The following EMILIN1 variants were observed in gnomAD, a reference collection of about 807,000 sequenced individuals.
EMILIN1 encodes the protein EMILIN-1.
EMILIN1 carries 49 observed loss-of-function variants against 82.4 expected under a neutral mutation model. The ratio of observed to expected loss-of-function variants is 0.59; its 90% confidence interval spans 0.47 to 0.75. The LOEUF (loss-of-function observed/expected upper bound fraction) is 0.75. Ranked by LOEUF, EMILIN1 falls within the 30% of genes least tolerant of loss-of-function variation. EMILIN1 has a pLI of 0.00. For missense variants in EMILIN1, 1,313 were observed against 1,366.4 expected, an observed-to-expected ratio of 0.96 and a Z score of 0.62; for synonymous variants, 604 against 602.2, an observed-to-expected ratio of 1.00 and a Z score of -0.04.
Position 27,086,068 on chromosome 2 carries a change from C to T in EMILIN1, c.*53C>T. The T allele has an allele frequency of 7.5e-7, 1 of 1,337,328 alleles. No individual in the cohort carries two copies. The highest frequency in any genetic ancestry group is 9.8e-7 in the Non-Finnish European group (1 of 1,015,230). The allele number at this position is 1,337,328 out of a possible 1,614,324, so 82.8% of individuals were successfully genotyped here. On this transcript the variant is annotated 3_prime_UTR_variant, in exon 8 of 8. Coordinates refer to ENST00000380320, the MANE Select transcript of EMILIN1 (RefSeq NM_007046.4). ...TCGGCTGAAGAGACAGCGGGGGCGGCGGGCTCCTGGGGTCTCGCCTGAGAC... is the reference window on the plus strand; with the variant it reads ...TCGGCTGAAGAGACAGCGGGGGCGGTGGGCTCCTGGGGTCTCGCCTGAGAC...
chr2:27,082,050 G>GCCCCTCTGCCTTCTGCCTT (rs1669484577), intron 3 of EMILIN1, 33 bp from the exon 4 acceptor site: 2 of 1,551,512 alleles, frequency 1.3e-6, no homozygotes, highest in Middle Eastern at 2.1e-4. Flanking sequence ...CTGGGGTCCA[G>GCCCCTCTGCCTTCTGCCTT]CCCCTCTGCC....
intron 5 of EMILIN1, 98 bp from the exon 6 acceptor site, chr2:27,084,893 G>A (rs1669567757): frequency 4.3e-6 from 5 of 1,167,092 alleles, no homozygotes; most frequent in South Asian, 2.4e-5. Context: ...TGAAGTCCAC[G>A]TAGCACCGAG....
chr2:27,079,338 GGAGT>G (rs1348946748), intron 1 of EMILIN1, 103 bp downstream of exon 1: 3 of 1,021,326 alleles, frequency 2.9e-6, no homozygotes, highest in Non-Finnish European at 4.1e-6. Context: ...GGGCAGAGGG[GGAGT>G]GAGAAGCCCA....
At position 27,080,661 on chromosome 2, in the gene EMILIN1, C is replaced by T; in HGVS notation, c.291-71C>T. The T allele has an allele frequency of 3.0e-6, 4 of 1,346,570 alleles. No individual in the cohort carries two copies. In the Admixed American group the frequency reaches 8.4e-5, roughly 28 times the overall value. 83.4% of individuals were successfully genotyped at this position (1,346,570 alleles called of 1,614,324 possible). ...GCCATGCCCACCAGCAGCTGCCCAC[C>T]CCTGAGGACAGGGACCAGGGTCACT... On this transcript the variant is annotated intron_variant, in intron 2 of 7. Coordinates refer to ENST00000380320, the MANE Select transcript of EMILIN1 (RefSeq NM_007046.4).
Position 27,085,964 on chromosome 2 carries a change from C to A in EMILIN1, c.3000C>A (p.Thr1000=). 1.3e-6 allele frequency: 2 copies of A among 1,506,030 alleles called. No individual in the cohort carries two copies. The highest frequency in any genetic ancestry group is 2.5e-5 in the East Asian group (1 of 40,500). The allele number at this position is 1,506,030 out of a possible 1,614,324, so 93.3% of individuals were successfully genotyped here. Residue 1000 remains threonine, a synonymous_variant, in exon 8 of 8, where the codon ACC becomes ACA. Transcript: ENST00000380320. The part of the protein sequence containing the change: ...GQLAHSEEPL[T]IFSGALLYGD... ...TGGCGCACTCGGAGGAGCCGCTCAC[C>A]ATCTTCAGCGGGGCCCTGCTCTATG...
At chr2:27,080,385 G>C in intron 2 of EMILIN1, 115 bp downstream of exon 2, 1 of 1,383,156 alleles carries the variant, frequency 7.2e-7, no homozygotes, top group East Asian at 2.3e-5. Flanking sequence ...ACAGGGGCTA[G>C]GGTCACAGCC....
At chr2:27,081,024 A>G in intron 3 of EMILIN1, 72 bp downstream of exon 3, 1 of 1,232,804 alleles carries the variant, frequency 8.1e-7, no homozygotes, top group Non-Finnish European at 1.1e-6. Flanking sequence ...ATGTGGGGCC[A>G]GGCTGCTGGG....
chr2:27,081,108 C>CAT, intron 3 of EMILIN1, among the ~76,000 whole-genome samples, 156 bp downstream of exon 3: 1 of 142,656 alleles, frequency 7.0e-6, no homozygotes, highest in East Asian at 2.1e-4. Flanking sequence ...ATTCCCTGCC[C>CAT]GTGTGTGTGT....
In EMILIN1 at chr2:27,080,256, T is replaced by TC; in HGVS notation, c.280dup (p.Gln94ProfsTer35). The TC allele has an allele frequency of 1.2e-6, 2 of 1,614,010 alleles. No homozygotes were observed. Among genetic ancestry groups the TC allele is most frequent in the Non-Finnish European group, 1.7e-6 (2 of 1,179,908 alleles). On this transcript the variant is annotated frameshift_variant, in exon 2 of 8. Transcript: ENST00000380320. LOFTEE classifies it high-confidence loss of function. ...CTTGTGCCTGGGGCCAGCCCCAGTGTCCCCAAAGCATCATGTGAGTCCCAG... is the reference window on the plus strand; with the variant it reads ...CTTGTGCCTGGGGCCAGCCCCAGTGTCCCCCAAAGCATCATGTGAGTCCCAG...
At chr2:27,080,069 T>C (rs1669446693) in intron 1 of EMILIN1, 82 bp from the exon 2 acceptor site, 2 of 1,535,126 alleles carry the variant, frequency 1.3e-6, no homozygotes, top group South Asian at 1.2e-5. Context: ...TGGAGCCTTC[T>C]TCAGCCCCTC....
At position 27,082,183 on chromosome 2, in the gene EMILIN1, G is replaced by A. The variant is rs1390889589; in HGVS notation, c.612G>A (p.Gly204=). The change falls in exon 4 of 8, where the codon GGG becomes GGA. Residue 204 remains glycine, a synonymous_variant. Coordinates refer to ENST00000380320, the MANE Select transcript of EMILIN1 (RefSeq NM_007046.4). The part of the protein sequence containing the change: ...GLRGVLQGLS[G]RLAEDVQRAV... ...GGGGCGTCCTGCAAGGACTGAGCGG[G>A]CGCCTGGCAGAGGATGTGCAGAGGG... is the stretch of plus-strand genomic sequence containing the variant. 13 of 1,613,618 alleles carry A rather than the reference G, an allele frequency of 8.1e-6. No individual in the cohort carries two copies. The highest frequency in any genetic ancestry group is 1.3e-5 in the African/African-American group (1 of 74,946).
rs1288401404 is a variant in EMILIN1, at chr2:27,085,216, A to G, written c.2632A>G (p.Ser878Gly). The change falls in exon 7 of 8, where the codon AGT becomes GGT. Residue 878 changes from serine (S) to glycine (G), a missense_variant. Physicochemically the swap from Ser to Gly is moderately conservative, Grantham distance 56. Coordinates refer to ENST00000380320, the MANE Select transcript of EMILIN1 (RefSeq NM_007046.4). ...CCAAGTGGCATTTTCAGCTGCTCTGAGTTTGCCCCGGTCTGAACCAGGCAC... is the reference window on the plus strand; with the variant it reads ...CCAAGTGGCATTTTCAGCTGCTCTGGGTTTGCCCCGGTCTGAACCAGGCAC... Reference protein sequence around the residue: ...VPQVAFSAALSLPRSEPGTVP... With the variant: ...VPQVAFSAALGLPRSEPGTVP... 2 of 1,614,006 alleles carry G rather than the reference A, an allele frequency of 1.2e-6. No homozygotes were observed. Among genetic ancestry groups the G allele is most frequent in the Non-Finnish European group, 1.7e-6 (2 of 1,180,030 alleles).
chr2:27,079,258 G>A (rs756294970), intron 1 of EMILIN1, 23 bp downstream of exon 1: 25 of 1,532,062 alleles, frequency 1.6e-5, no homozygotes, highest in East Asian at 1.6e-4. Context: ...ATCCCAGCCC[G>A]AGGCTTGGGT....
At chr2:27,085,552 C>A in intron 7 of EMILIN1, 126 bp from the exon 8 acceptor site, 2 of 1,005,112 alleles carry the variant, frequency 2.0e-6, no homozygotes, top group African/African-American at 1.6e-5. Context: ...TGAACAAAGC[C>A]CCCAGTTCCC....
chr2:27,085,080 C>G, intron 6 of EMILIN1, 72 bp downstream of exon 6: 8 of 1,613,250 alleles, frequency 5.0e-6, no homozygotes, highest in Non-Finnish European at 6.8e-6. Flanking sequence ...TCGGGCAGCC[C>G]TGGGCTGGGG....
At chr2:27,085,653 C>T in intron 7 of EMILIN1, 25 bp from the exon 8 acceptor site, 2 of 1,572,922 alleles carry the variant, frequency 1.3e-6, no homozygotes, top group South Asian at 2.3e-5. Flanking sequence ...TCCCTGGCCC[C>T]CCTGACTGCT....
chr2:27,082,109 C>A lies in EMILIN1; in HGVS notation c.538C>A (p.Gln180Lys). Residue 180 changes from glutamine (Q) to lysine (K), a missense_variant, in exon 4 of 8, where the codon CAG becomes AAG. Physicochemically the swap from Gln to Lys is moderately conservative, Grantham distance 53. Coordinates refer to ENST00000380320, the MANE Select transcript of EMILIN1 (RefSeq NM_007046.4). ...TCCTGGGGAGTCAGAGAAGGTGCAG[C>A]AGCTGGAGGAACAGGTGCAGAGCCT... ...EGPGESEKVQ[Q>K]LEEQVQSLTK... The A allele has an allele frequency of 6.2e-7, 1 of 1,613,186 alleles. No homozygotes were observed. Among genetic ancestry groups the A allele is most frequent in the Non-Finnish European group, 8.5e-7 (1 of 1,179,766 alleles).
In EMILIN1 at chr2:27,085,920, G is replaced by C. The variant is rs777619951; in HGVS notation, c.2956G>C (p.Asp986His). 6.5e-7 allele frequency: 1 copy of C among 1,550,330 alleles called. No homozygotes were observed. The highest frequency in any genetic ancestry group is 8.7e-7 in the Non-Finnish European group (1 of 1,143,570). The change falls in exon 8 of 8, where the codon GAC becomes CAC. Residue 986 changes from aspartate (D) to histidine (H), a missense_variant. Physicochemically the swap from Asp to His is moderately conservative, Grantham distance 81 (BLOSUM62 -1). Coordinates refer to ENST00000380320, the MANE Select transcript of EMILIN1 (RefSeq NM_007046.4). ...PLQAGDTVCV[D>H]LVMGQLAHSE... is the part of the protein sequence containing the mutation. ...GCAGGCCGGGGACACGGTCTGCGTC[G>C]ACCTGGTCATGGGGCAGCTGGCGCA...
Position 27,082,939 on chromosome 2 carries a change from G to A in EMILIN1, c.1368G>A (p.Val456=), listed in dbSNP as rs774287900. 6.4e-7 allele frequency: 1 copy of A among 1,562,276 alleles called. No individual in the cohort carries two copies. Among genetic ancestry groups the A allele is most frequent in the Non-Finnish European group, 8.7e-7 (1 of 1,148,418 alleles). The change falls in exon 4 of 8, where the codon GTG becomes GTA. Residue 456 remains valine, a synonymous_variant. Coordinates refer to ENST00000380320, the MANE Select transcript of EMILIN1 (RefSeq NM_007046.4). ...LEQLGGLLAN[V]SGELGGRLDL... The stretch of plus-strand genomic sequence containing the variant: ...AGTTGGGGGGGCTGCTGGCCAATGT[G>A]AGCGGGGAGCTGGGGGGGCGGTTGG...
Sources: gnomAD v4.1 joint callset for allele counts (sites outside exome capture counted in the v4.1 genomes callset) on GRCh38, gnomAD v4.1.1 for gene constraint, MANE v1.5 for transcripts, NCBI Gene and HGNC (gene_info 2026-07-23, HGNC 2026-07-21) for gene names.